The following TRANK1 variants were observed in gnomAD, a reference collection of about 807,000 sequenced individuals.
TRANK1 encodes tetratricopeptide repeat and ankyrin repeat containing 1.
A neutral mutation model predicts 266.0 loss-of-function variants in TRANK1; 198 were observed. That is an observed-to-expected ratio of 0.74 (90% CI 0.66 to 0.84). TRANK1 has a LOEUF of 0.84. TRANK1 is among the 40% of genes least tolerant of loss of function. The pLI, the probability that TRANK1 is intolerant of heterozygous loss-of-function variation, is 0.00. For missense variants in TRANK1, 3,326 were observed against 3,634.6 expected, an observed-to-expected ratio of 0.92 and a Z score of 2.18; for synonymous variants, 1,396 against 1,384.1, an observed-to-expected ratio of 1.01 and a Z score of -0.19.
intron 10 of TRANK1, among the ~76,000 whole-genome samples, chr3:36,863,442 G>T (rs950584418): frequency 6.6e-6 from 1 of 152,148 alleles, no homozygotes; most frequent in Non-Finnish European, 1.5e-5. Context: ...ACATCTAATA[G>T]ATCCCATACA....
chr3:36,872,757 G>A (rs2079328318), intron 9 of TRANK1, among the ~76,000 whole-genome samples: 1 of 152,068 alleles, frequency 6.6e-6, no homozygotes, highest in Non-Finnish European at 1.5e-5. Context: ...AATAGCAGTG[G>A]CAAAGAGAAA....
chr3:36,834,841 G>T lies in TRANK1; in HGVS notation c.5584C>A (p.Gln1862Lys). ...AGTGCTAGATCAAATTCCTGAATCT[G>T]CTCAAAGCATCTGAAAGCGTCTTTG... The part of the protein sequence containing the change: ...CYKDAFRCFE[Q>K]IQEFDLALKM... The change falls in exon 21 of 24, where the codon CAG (glutamine) becomes AAG (lysine). Residue 1862 changes from glutamine to lysine, a missense_variant. Transcript: ENST00000645898. 1 of 1,613,508 alleles carries T rather than the reference G, an allele frequency of 6.2e-7. No individual in the cohort carries two copies. The highest frequency in any genetic ancestry group is 8.5e-7 in the Non-Finnish European group (1 of 1,179,736).
rs1449929972 is a variant in TRANK1, at chr3:36,851,871, A to G, written c.4750-15T>C. On this transcript the variant is annotated splice_polypyrimidine_tract_variant and intron_variant, in intron 14 of 23. Transcript: ENST00000645898. ...ACAAGGATTACCTGAAGAAAAACAA[A>G]AGAACATCAAATTCTACAGAGAAAA... The G allele has an allele frequency of 6.3e-7, 1 of 1,576,998 alleles. No homozygotes were observed. Among genetic ancestry groups the G allele is most frequent in the Non-Finnish European group, 8.6e-7 (1 of 1,163,396 alleles).
At chr3:36,942,209 T>C (rs966417169) in intron 1 of TRANK1, among the ~76,000 whole-genome samples, 1 of 152,178 alleles carries the variant, frequency 6.6e-6, no homozygotes, top group Admixed American at 6.5e-5. Context: ...AGAAGTTTAA[T>C]ATTTCCACAA....
intron 4 of TRANK1, among the ~76,000 whole-genome samples, chr3:36,896,706 T>A (rs2079795655): frequency 6.6e-6 from 1 of 152,140 alleles, no homozygotes; most frequent in Non-Finnish European, 1.5e-5. Context: ...ATTTAAAAGA[T>A]GCAGAGGGCC....
At chr3:36,924,296 A>T (rs554255573) in intron 1 of TRANK1, among the ~76,000 whole-genome samples, 1 of 152,168 alleles carries the variant, frequency 6.6e-6, no homozygotes, top group East Asian at 1.9e-4. Context: ...TGGAAAGTGC[A>T]CCCAAAGTCC....
At chr3:36,925,774 T>C (rs1445284327) in intron 1 of TRANK1, among the ~76,000 whole-genome samples, 5 of 152,022 alleles carry the variant, frequency 3.3e-5, no homozygotes, top group Non-Finnish European at 5.9e-5. Context: ...TATTTTGAGA[T>C]GGGGTTTCAC....
intron 1 of TRANK1, among the ~76,000 whole-genome samples, chr3:36,923,255 A>C (rs1020203234): frequency 3.4e-5 from 2 of 58,134 alleles, no homozygotes; most frequent in African/African-American, 1.1e-4. Flanking sequence ...TGTCTTGGTA[A>C]ATTTTTTTTT....
chr3:36,864,600 G>T, intron 9 of TRANK1, 120 bp from the exon 10 acceptor site: 1 of 907,088 alleles, frequency 1.1e-6, no homozygotes, highest in Admixed American at 3.6e-5. Context: ...GTGACTTGCT[G>T]CTCCTCTCAT....
intron 8 of TRANK1, among the ~76,000 whole-genome samples, chr3:36,876,925 A>C (rs2079398252): frequency 6.6e-6 from 1 of 152,220 alleles, no homozygotes. Context: ...GCTGCTGCCC[A>C]GCTCTGGTGA....
intron 15 of TRANK1, chr3:36,850,467 C>T (rs1009914013): frequency 2.0e-6 from 2 of 985,434 alleles, no homozygotes; most frequent in Non-Finnish European, 1.2e-6. Context: ...GTACTAATCT[C>T]AGTGACCTTC....
chr3:36,901,850 A>G lies in TRANK1; in HGVS notation c.282+1299T>C, dbSNP rs1481238392. ...GGAAGAAGCCCCTTGATGTAAGAGC[A>G]TCAAGTCCCTTGGGCCACAGTCACA... On this transcript the variant is annotated intron_variant, in intron 3 of 23. Coordinates refer to ENST00000645898, the MANE Select transcript of TRANK1 (RefSeq NM_001329998.2). 2.0e-5 allele frequency among the ~76,000 whole-genome samples: 3 copies of G among 152,344 alleles called. No homozygotes were observed. The East Asian group carries it at 5.8e-4, about 29-fold the overall frequency.
intron 8 of TRANK1, among the ~76,000 whole-genome samples, chr3:36,884,751 G>A (rs2079577481): frequency 6.6e-6 from 1 of 152,006 alleles, no homozygotes; most frequent in Non-Finnish European, 1.5e-5. Flanking sequence ...TGGCCAACAT[G>A]GTGAAACCCT....
At chr3:36,865,948 G>C (rs1300335555) in intron 9 of TRANK1, among the ~76,000 whole-genome samples, 5 of 150,576 alleles carry the variant, frequency 3.3e-5, no homozygotes, top group Admixed American at 6.6e-5. Flanking sequence ...AAAAGAGAGA[G>C]AGAGAGAGAC....
intron 7 of TRANK1, among the ~76,000 whole-genome samples, chr3:36,891,288 C>A (rs1190545606): frequency 1.3e-5 from 2 of 152,074 alleles, no homozygotes; most frequent in Non-Finnish European, 2.9e-5. Flanking sequence ...TGCAGTGAGC[C>A]AATATCACGT....
intron 3 of TRANK1, among the ~76,000 whole-genome samples, chr3:36,901,795 T>G (rs746902861): frequency 6.6e-6 from 1 of 152,188 alleles, no homozygotes; most frequent in East Asian, 1.9e-4. Flanking sequence ...TGCTGTGCTG[T>G]CAGGGGCTGC....
intron 1 of TRANK1, among the ~76,000 whole-genome samples, chr3:36,931,572 G>C (rs1312278894): frequency 6.6e-6 from 1 of 152,080 alleles, no homozygotes; most frequent in African/African-American, 2.4e-5. Context: ...GGGCATGGTG[G>C]CACGCACCTA....
At chr3:36,842,961 G>C (rs1471058027) in intron 17 of TRANK1, among the ~76,000 whole-genome samples, 1 of 152,112 alleles carries the variant, frequency 6.6e-6, no homozygotes, top group African/African-American at 2.4e-5. Flanking sequence ...ATTAGAACAC[G>C]GGGCGACCCC....
chr3:36,876,376 G>C (rs1295387509), intron 8 of TRANK1, among the ~76,000 whole-genome samples: 1 of 152,224 alleles, frequency 6.6e-6, no homozygotes, highest in Non-Finnish European at 1.5e-5. Context: ...CCTGGCCAGG[G>C]CCTTGCCAAT....
Sources: allele counts gnomAD v4.1 joint callset (sites outside exome capture counted in the v4.1 genomes callset), GRCh38; gene constraint gnomAD v4.1.1; transcripts MANE v1.5; gene names NCBI Gene and HGNC (gene_info 2026-07-23, HGNC 2026-07-21).